Variants in DAPK2 observed in about 807,000 individuals in gnomAD.
DAPK2 encodes death associated protein kinase 2.
DAPK2 carries 35 observed loss-of-function variants against 44.1 expected under a neutral mutation model. The ratio of observed to expected loss-of-function variants is 0.79; its 90% CI spans 0.61 to 1.05. The LOEUF is 1.05. Among genes scored for constraint, DAPK2 ranks in the 50% least tolerant of loss-of-function variants. The probability of loss-of-function intolerance (pLI) is 0.00; values close to 1 mark genes in which losing one functional copy is unlikely to be tolerated. For missense variants in DAPK2, 453 were observed against 483.2 expected, an observed-to-expected ratio of 0.94 and a Z score of 0.59; for synonymous variants, 174 against 182.6, an observed-to-expected ratio of 0.95 and a Z score of 0.38.
At chr15:64,035,327 C>T (rs981916211) in intron 1 of DAPK2, among the ~76,000 whole-genome samples, 3 of 152,316 alleles carry the variant, frequency 2.0e-5, no homozygotes, top group South Asian at 4.1e-4. Flanking sequence ...GGCCTATCTA[C>T]TAGCACCCTC....
At chr15:63,973,942 C>T (rs1453007302) in intron 2 of DAPK2, among the ~76,000 whole-genome samples, 1 of 152,144 alleles carries the variant, frequency 6.6e-6, no homozygotes, top group Non-Finnish European at 1.5e-5. Flanking sequence ...AGCCCCAAAG[C>T]CCCCTTTCTT....
chr15:64,031,816 G>T (rs995534380), intron 1 of DAPK2, among the ~76,000 whole-genome samples: 23 of 152,148 alleles, frequency 1.5e-4, no homozygotes, highest in Non-Finnish European at 3.1e-4. Context: ...TCTATAAAAT[G>T]GGAACAACTA....
intron 1 of DAPK2, among the ~76,000 whole-genome samples, chr15:64,016,048 C>T (rs371260730): frequency 2.0e-5 from 3 of 152,190 alleles, no homozygotes; most frequent in Non-Finnish European, 2.9e-5. Context: ...GGAAAGCATC[C>T]GAGAGGACAA....
chr15:63,926,159 C>T (rs989131525), intron 6 of DAPK2, 66 bp from the exon 8 acceptor site: 15 of 1,536,536 alleles, frequency 9.8e-6, no homozygotes, highest in African/African-American at 1.4e-5. Context: ...ATTACGGACT[C>T]GGGGAACCCT....
At chr15:63,925,860 G>T (rs760295394) in intron 7 of DAPK2, 81 bp downstream of exon 8, 109 of 1,549,124 alleles carry the variant, frequency 7.0e-5, no homozygotes, top group Non-Finnish European at 9.0e-5. Flanking sequence ...TGTCAAAGTG[G>T]GGACATACTG....
chr15:63,954,877 T>C (rs1328969320), intron 3 of DAPK2, among the ~76,000 whole-genome samples: 2 of 152,220 alleles, frequency 1.3e-5, no homozygotes, highest in Non-Finnish European at 2.9e-5. Context: ...ACATATTTTG[T>C]TCTTTGGTTA....
chr15:63,998,328 C>A (rs2079001179), intron 1 of DAPK2, among the ~76,000 whole-genome samples: 1 of 152,196 alleles, frequency 6.6e-6, no homozygotes, highest in Non-Finnish European at 1.5e-5. Context: ...GCCACACAAG[C>A]ACATTCCTGC....
intron 8 of DAPK2, chr15:63,922,971 A>T: frequency 6.5e-7 from 1 of 1,535,900 alleles, no homozygotes; most frequent in Non-Finnish European, 8.7e-7. Context: ...CCGAGGCTAC[A>T]TCCCGTGGCC....
At chr15:63,971,306 A>T in intron 3 of DAPK2, 117 bp downstream of exon 4, 1 of 1,269,516 alleles carries the variant, frequency 7.9e-7, no homozygotes, top group Non-Finnish European at 1.1e-6. Flanking sequence ...AGGGTTTTTC[A>T]CTGTAAGATG....
chr15:63,935,769 G>C (rs1275881170), intron 4 of DAPK2: 2 of 151,952 alleles, frequency 1.3e-5, no homozygotes, highest in Admixed American at 1.3e-4. Flanking sequence ...TCTATGATAA[G>C]TTTTCTTTTT....
intron 2 of DAPK2, 102 bp from the exon 4 acceptor site, chr15:63,971,663 G>GGAA (rs999924151): frequency 6.4e-6 from 8 of 1,259,348 alleles, no homozygotes; most frequent in Non-Finnish European, 7.7e-6. Flanking sequence ...ACCCCCCAGG[G>GGAA]ACCTTGTATG....
rs1026141879 is a variant in DAPK2, at chr15:63,923,810, G to A, written c.858+1006C>T. Among the ~76,000 whole-genome samples, 5 of 152,204 alleles carry A rather than the reference G, an allele frequency of 3.3e-5. No individual in the cohort carries two copies. Among genetic ancestry groups the A allele is most frequent in the Non-Finnish European group, 7.3e-5 (5 of 68,048 alleles). Reference sequence around the variant, plus strand: ...AGACGACTCCAGCCCTCCCTGTTCTGTCTTCCACAGGCCTCACCTTCTCTT... The same window carrying A: ...AGACGACTCCAGCCCTCCCTGTTCTATCTTCCACAGGCCTCACCTTCTCTT... On this transcript the variant is annotated intron_variant, in intron 8 of 10. Transcript: ENST00000261891. The surrounding 1 kb of genome is among the most constrained non-coding windows in gnomAD (Gnocchi z 4.2).
chr15:64,009,296 A>G (rs1364414682), intron 1 of DAPK2, among the ~76,000 whole-genome samples: 1 of 152,096 alleles, frequency 6.6e-6, no homozygotes, highest in Non-Finnish European at 1.5e-5. Flanking sequence ...AACACTTAGT[A>G]CAGCTTCCTG....
intron 1 of DAPK2, among the ~76,000 whole-genome samples, chr15:64,015,005 G>A (rs1308057362): frequency 6.6e-6 from 1 of 152,148 alleles, no homozygotes; most frequent in Non-Finnish European, 1.5e-5. Context: ...ATAGCCAAGA[G>A]GCATGCAGTA....
intron 3 of DAPK2, among the ~76,000 whole-genome samples, chr15:63,964,714 A>G (rs1399529666): frequency 3.9e-5 from 6 of 152,060 alleles, no homozygotes; most frequent in East Asian, 1.9e-4. Context: ...TGCTTGATCA[A>G]TTCTGCTGCT....
chr15:63,985,125 G>A (rs186203251), intron 1 of DAPK2, among the ~76,000 whole-genome samples: 113 of 152,338 alleles, frequency 7.4e-4, no homozygotes, highest in South Asian at 4.6e-3. Context: ...ACGGGGCAGG[G>A]ACCAAAGGCA....
intron 1 of DAPK2, among the ~76,000 whole-genome samples, chr15:64,010,444 A>G (rs952457275): frequency 6.6e-6 from 1 of 152,246 alleles, no homozygotes; most frequent in South Asian, 2.1e-4. Context: ...TACAGTTTTC[A>G]GGAGCAAGAA....
At chr15:63,929,031 T>C (rs1019978407) in intron 6 of DAPK2, among the ~76,000 whole-genome samples, 3 of 152,070 alleles carry the variant, frequency 2.0e-5, no homozygotes, top group Admixed American at 6.5e-5. Flanking sequence ...TGAAACCCTG[T>C]CTCTACTAAA....
chr15:63,925,497 G>C (rs1316728154), intron 7 of DAPK2, among the ~76,000 whole-genome samples: 2 of 152,134 alleles, frequency 1.3e-5, no homozygotes, highest in East Asian at 3.9e-4. Flanking sequence ...AGAAGGGATA[G>C]GGTTAGCATG....
Sources: allele counts gnomAD v4.1 joint callset (sites outside exome capture counted in the v4.1 genomes callset), GRCh38; gene constraint gnomAD v4.1.1; non-coding constraint Gnocchi (gnomAD v3.1); transcripts MANE v1.5; gene names NCBI Gene and HGNC (gene_info 2026-07-23, HGNC 2026-07-21).